SPIN3: variants seen among roughly 807,000 people sequenced by gnomAD.
The protein encoded by SPIN3 is spindlin-3.
For missense variants in SPIN3, 176 were observed against 196.4 expected (o/e 0.90, Z 0.62); for synonymous variants, 74 against 74.3 (o/e 1.00, Z 0.02).
intron 3 of SPIN3, among the ~76,000 whole-genome samples, chrX:56,981,026 G>C (rs1311252246): frequency 9.6e-6 from 1 of 104,376 alleles, no homozygotes. Flanking sequence ...TAATAATACT[G>C]GGACAAACAG....
rs780634175 is a variant in SPIN3 at position 56,991,705 on chromosome X, TC to T, written c.*2465del. The T allele has an allele frequency of 1.3e-4, 15 of 115,276 alleles. No individual in the cohort carries two copies. In the East Asian group the frequency reaches 3.4e-3, roughly 26 times the overall value. The allele number at this position is 115,276 out of a possible 1,213,427, so 9.5% of individuals were successfully genotyped here. ...GAGACCAACAGTATCTTAGAAAAGT[TC>T]TGCTCCCATCAATGTAAGATTGGTG... On this transcript the variant is annotated 3_prime_UTR_variant, in exon 2 of 2. Transcript: ENST00000374919.
chrX:56,976,087 T>C (rs1264879846), downstream of SPIN3: 4 of 111,837 alleles, frequency 3.6e-5, no homozygotes, highest in African/African-American at 1.3e-4. Context: ...TTTGTATAAA[T>C]TGGCAGTCAT....
chrX:56,988,901 G>A (rs368277154), downstream of SPIN3, among the ~76,000 whole-genome samples: 4 of 111,603 alleles, frequency 3.6e-5, no homozygotes, highest in East Asian at 2.8e-4. Context: ...AAGAAGTGGC[G>A]TAGAATGCCC....
At chrX:56,982,490 T>G (rs954629597) in intron 3 of SPIN3, 5 of 111,680 alleles carry the variant, frequency 4.5e-5, no homozygotes, top group African/African-American at 1.6e-4. Flanking sequence ...TCTCCTCCAG[T>G]GCTTCTGTGT....
chrX:56,978,235 G>C (rs900891109), intron 5 of SPIN3: 1 of 112,518 alleles, frequency 8.9e-6, no homozygotes, highest in African/African-American at 3.2e-5. Flanking sequence ...GGAATATGTT[G>C]CCACTGTCAG....
At chrX:56,987,645 C>CTGAA (rs1569324088), downstream of SPIN3, among the ~76,000 whole-genome samples, 1 of 111,639 alleles carries the variant, frequency 9.0e-6, no homozygotes, top group East Asian at 2.8e-4. Flanking sequence ...CAAAAAGTAG[C>CTGAA]TGAATGAATG....
chrX:56,994,962 G>A lies in SPIN3; in HGVS notation c.-2-13C>T, dbSNP rs1924457877. On this transcript the variant is annotated splice_polypyrimidine_tract_variant and intron_variant, in intron 1 of 1. Transcript: ENST00000374919. The stretch of plus-strand genomic sequence containing the variant: ...GGGGTCTTCATGCCTGCGAAGAGGA[G>A]CACAGTTGCCAGGTGGACCGAGAAA... 1 of 1,163,098 alleles carries A rather than the reference G, an allele frequency of 8.6e-7. No homozygotes were observed. The highest frequency in any genetic ancestry group is 1.8e-5 in the African/African-American group (1 of 56,072).
chrX:56,988,354 C>T (rs2146832375), downstream of SPIN3, among the ~76,000 whole-genome samples: 1 of 110,194 alleles, frequency 9.1e-6, no homozygotes, highest in Admixed American at 9.7e-5. Context: ...TTTTTTTGCC[C>T]CAAATTAAGC....
At position 56,976,446 on chromosome X, in the gene SPIN3, AAGAG is replaced by A. The variant is rs1035359762; in HGVS notation, c.*1158_*1161del. 3 of 111,744 alleles carry A rather than the reference AAGAG, an allele frequency of 2.7e-5. No homozygotes were observed. In the Admixed American group the frequency reaches 2.9e-4, roughly 11 times the overall value. The allele number at this position is 111,744 out of a possible 1,213,427, so 9.2% of individuals were successfully genotyped here. ...CTCTTATACAAGTGTACATATGTAA[AAGAG>A]AGAACAAATTTTCGTTCCATTGCAA... On this transcript the variant is annotated 3_prime_UTR_variant and NMD_transcript_variant, in exon 6 of 6. Coordinates refer to the SPIN3 transcript ENST00000475785.
rs1924471205 is a variant in SPIN3 at position 56,995,327 on chromosome X, G to C, written c.-114C>G. On this transcript the variant is annotated 5_prime_UTR_variant, in exon 1 of 2. Transcript: ENST00000374919. ...AGCCTATGGAGGAGGAAAATCAGCG[G>C]GCGAGCAGCCCGGTGCTTGCAAAAG... 6.1e-6 allele frequency: 1 copy of C among 163,678 alleles called. No homozygotes were observed. The highest frequency in any genetic ancestry group is 3.1e-5 in the African/African-American group (1 of 32,701). The allele number at this position is 163,678 out of a possible 1,213,427, so 13.5% of individuals were successfully genotyped here.
chrX:56,990,411 T>C (rs999612814), downstream of SPIN3, among the ~76,000 whole-genome samples: 4 of 111,966 alleles, frequency 3.6e-5, no homozygotes, highest in Non-Finnish European at 7.5e-5. Flanking sequence ...GGGTTTCCTG[T>C]TACATGCAGG....
At chrX:56,979,227 G>T (rs972466236) in intron 3 of SPIN3, 2 of 111,098 alleles carry the variant, frequency 1.8e-5, no homozygotes, top group African/African-American at 6.6e-5. Flanking sequence ...TATCCAGCTT[G>T]GCCCTGCTGT....
rs1410091885 is a variant in SPIN3, at chrX:56,994,897, G to A, written c.51C>T (p.Gly17=). 2.5e-6 allele frequency: 3 copies of A among 1,209,647 alleles called. No individual in the cohort carries two copies. Among genetic ancestry groups the A allele is most frequent in the Admixed American group, 4.4e-5 (2 of 45,930 alleles). Reference sequence around the variant, plus strand: ...TAACAGACACACTGCCGTGGCCAGCGCCCGTCCTGGACCGCTGCCCTGCAG... The same window carrying A: ...TAACAGACACACTGCCGTGGCCAGCACCCGTCCTGGACCGCTGCCCTGCAG... ...KAAAGQRSRT[G]AGHGSVSVTM... The change falls in exon 2 of 2, where the codon GGC becomes GGT. Residue 17 remains glycine, a synonymous_variant. Coordinates refer to ENST00000374919, the MANE Select transcript of SPIN3 (RefSeq NM_001010862.3).
Position 56,992,629 on chromosome X carries a change from T to C in SPIN3, c.*1542A>G. ...CAGTACAGTCCCAATATGATTGTAC[T>C]GCCTTGAGTCCCAGCCCCAAATGTG... On this transcript the variant is annotated 3_prime_UTR_variant, in exon 2 of 2. Coordinates refer to ENST00000374919, the MANE Select transcript of SPIN3 (RefSeq NM_001010862.3). 3.4e-6 allele frequency: 1 copy of C among 296,687 alleles called. No individual in the cohort carries two copies. The highest frequency in any genetic ancestry group is 5.9e-6 in the Non-Finnish European group (1 of 169,740). 24.5% of individuals were successfully genotyped at this position (296,687 alleles called of 1,213,427 possible).
chrX:56,988,992 C>G (rs1346884386), downstream of SPIN3, among the ~76,000 whole-genome samples: 1 of 111,814 alleles, frequency 8.9e-6, no homozygotes, highest in Non-Finnish European at 1.9e-5. Flanking sequence ...AGGTATTTGA[C>G]CAAAGGAGTC....
chrX:56,983,417 C>G (rs1013273772), intron 3 of SPIN3, among the ~76,000 whole-genome samples: 3 of 112,023 alleles, frequency 2.7e-5, no homozygotes, highest in Admixed American at 1.9e-4. Context: ...CATCCCACTA[C>G]TCTTCAGTTC....
intron 3 of SPIN3, chrX:56,984,244 TA>T (rs1452769159): frequency 4.5e-6 from 1 of 224,245 alleles, no homozygotes; most frequent in Non-Finnish European, 8.3e-6. Context: ...TGGAAGAGGA[TA>T]TTTAAAAAAT....
downstream of SPIN3, among the ~76,000 whole-genome samples, chrX:56,988,916 C>T (rs1412590656): frequency 1.8e-5 from 2 of 111,698 alleles, no homozygotes; most frequent in Admixed American, 9.5e-5. Context: ...ATGCCCAGTT[C>T]AACCCCCAAA....
At chrX:56,984,944 T>C (rs753668913) in intron 2 of SPIN3, among the ~76,000 whole-genome samples, 1 of 111,360 alleles carries the variant, frequency 9.0e-6, no homozygotes, top group South Asian at 3.9e-4. Flanking sequence ...CTAGCACCCA[T>C]CCAAACCATA....
Sources: allele counts gnomAD v4.1 joint callset (sites outside exome capture counted in the v4.1 genomes callset), GRCh38; gene constraint gnomAD v4.1.1; transcripts MANE v1.5; gene names NCBI Gene and HGNC (gene_info 2026-07-23, HGNC 2026-07-21).